The following TBC1D5 variants were observed in gnomAD, a reference collection of about 807,000 sequenced individuals.
TBC1D5 encodes the protein TBC1 domain family member 5, also known as TBC1 domain family, member 5.
TBC1D5 carries 75 observed loss-of-function variants against 100.3 expected under a neutral mutation model. That is an observed-to-expected ratio of 0.75 (90% CI 0.62 to 0.91). The LOEUF is 0.91. TBC1D5 is among the 40% of genes least tolerant of loss of function. The probability of loss-of-function intolerance (pLI) is 0.00; values close to 1 mark genes in which losing one functional copy is unlikely to be tolerated. For synonymous variants in TBC1D5, 323 were observed against 325.6 expected, an observed-to-expected ratio of 0.99 and a Z score of 0.09; for missense variants, 910 against 942.4, an observed-to-expected ratio of 0.97 and a Z score of 0.45.
intron 13 of TBC1D5, among the ~76,000 whole-genome samples, chr3:17,360,781 T>G (rs953333054): frequency 3.9e-5 from 6 of 152,132 alleles, no homozygotes; most frequent in Non-Finnish European, 8.8e-5. Flanking sequence ...TGGAAGTATT[T>G]AAAAACTCAT....
At chr3:17,669,728 T>C (rs2153778515) in intron 1 of TBC1D5, among the ~76,000 whole-genome samples, 1 of 152,290 alleles carries the variant, frequency 6.6e-6, no homozygotes, top group East Asian at 1.9e-4. Flanking sequence ...CAGTAGTAAT[T>C]GTTGTTTCAG....
intron 17 of TBC1D5, among the ~76,000 whole-genome samples, chr3:17,230,766 T>C (rs1176192120): frequency 1.3e-5 from 2 of 152,170 alleles, no homozygotes; most frequent in South Asian, 2.1e-4. Flanking sequence ...TTTATGTTAA[T>C]ACCTAAATCT....
At chr3:17,330,633 C>T (rs977680678) in intron 13 of TBC1D5, among the ~76,000 whole-genome samples, 1 of 152,126 alleles carries the variant, frequency 6.6e-6, no homozygotes, top group Non-Finnish European at 1.5e-5. Flanking sequence ...TCTTTTCCAC[C>T]TTCTGTCTTG....
intron 1 of TBC1D5, among the ~76,000 whole-genome samples, chr3:17,729,908 A>G (rs2076418377): frequency 6.6e-6 from 1 of 152,172 alleles, no homozygotes; most frequent in Non-Finnish European, 1.5e-5. Flanking sequence ...CAGGAGTTCA[A>G]GACCAGCCTG....
intron 2 of TBC1D5, among the ~76,000 whole-genome samples, chr3:17,529,034 C>T (rs2096179957): frequency 6.6e-6 from 1 of 152,196 alleles, no homozygotes; most frequent in Non-Finnish European, 1.5e-5. Flanking sequence ...CAGAATCCCT[C>T]TCTTGCTCCC....
In TBC1D5 at chr3:17,545,319, A is replaced by AATTT. The variant is rs1480325861; in HGVS notation, c.-35-36715_-35-36714insAAAT. 6.6e-5 allele frequency among the ~76,000 whole-genome samples: 10 copies of AATTT among 152,322 alleles called. No individual in the cohort carries two copies. In the East Asian group the frequency reaches 1.7e-3, roughly 26 times the overall value. ...GGGATGACCATGTGAAGACACAGGG[A>AATTT]GAAGACTGCCACTTACAAGCCAAAC... On this transcript the variant is annotated intron_variant, in intron 2 of 21. Coordinates refer to ENST00000253692, the Ensembl canonical transcript of TBC1D5.
At chr3:17,531,978 G>A (rs1484381198) in intron 2 of TBC1D5, among the ~76,000 whole-genome samples, 1 of 152,116 alleles carries the variant, frequency 6.6e-6, no homozygotes, top group Non-Finnish European at 1.5e-5. Flanking sequence ...AGCCAAAATT[G>A]ACAAATGGGA....
chr3:17,247,577 G>A (rs187184035), intron 16 of TBC1D5, among the ~76,000 whole-genome samples: 27 of 152,294 alleles, frequency 1.8e-4, no homozygotes, highest in Admixed American at 3.9e-4. Context: ...GTTCCTGAAT[G>A]TTGGGGTGGT....
chr3:17,470,108 C>A (rs2095355687), intron 3 of TBC1D5, among the ~76,000 whole-genome samples: 1 of 152,180 alleles, frequency 6.6e-6, no homozygotes, highest in Admixed American at 6.5e-5. Context: ...GACCTGCTTC[C>A]AAGTTCAAGA....
chr3:17,497,087 GACACACACACACACACACACAC>G (rs71049202), intron 3 of TBC1D5, among the ~76,000 whole-genome samples: 21 of 129,084 alleles, frequency 1.6e-4, no homozygotes, highest in South Asian at 8.7e-4. Flanking sequence ...CTCTCTCTCT[GACACACACACACACACACACAC>G]ACACACACAC....
chr3:17,688,124 T>C (rs2070580793), intron 1 of TBC1D5, among the ~76,000 whole-genome samples: 4 of 152,148 alleles, frequency 2.6e-5, no homozygotes, highest in Admixed American at 2.0e-4. Context: ...TTGAAGAATT[T>C]TACTGATATG....
intron 16 of TBC1D5, among the ~76,000 whole-genome samples, chr3:17,253,719 T>A (rs2077371348): frequency 6.6e-6 from 1 of 152,234 alleles, no homozygotes; most frequent in Non-Finnish European, 1.5e-5. Flanking sequence ...GAGCTTCATA[T>A]ACATGGAACA....
intron 2 of TBC1D5, among the ~76,000 whole-genome samples, chr3:17,591,263 A>AAAAAC: frequency 9.0e-6 from 1 of 111,368 alleles, no homozygotes; most frequent in Non-Finnish European, 1.8e-5. Flanking sequence ...AAAAAAAAAA[A>AAAAAC]AAACAAAAAC....
At chr3:17,594,573 A>G (rs1208363233) in intron 2 of TBC1D5, among the ~76,000 whole-genome samples, 2 of 152,264 alleles carry the variant, frequency 1.3e-5, no homozygotes, top group East Asian at 3.8e-4. Context: ...CTTCTGTTAG[A>G]AACATGTTTG....
chr3:17,512,342 A>G (rs1462650804), intron 2 of TBC1D5, among the ~76,000 whole-genome samples: 1 of 152,102 alleles, frequency 6.6e-6, no homozygotes, highest in African/African-American at 2.4e-5. Flanking sequence ...CAATCACTGT[A>G]AAAGTCCAGC....
chr3:17,243,799 A>G (rs1483438935), intron 16 of TBC1D5, among the ~76,000 whole-genome samples: 1 of 152,214 alleles, frequency 6.6e-6, no homozygotes, highest in Non-Finnish European at 1.5e-5. Context: ...ATGACACTGA[A>G]GAAAATTATG....
intron 4 of TBC1D5, among the ~76,000 whole-genome samples, chr3:17,410,516 A>G (rs1401047964): frequency 6.6e-6 from 1 of 152,154 alleles, no homozygotes. Flanking sequence ...GATTTCTCTG[A>G]CAGATCTGGG....
At chr3:17,236,893 A>C (rs930474933) in intron 17 of TBC1D5, among the ~76,000 whole-genome samples, 2 of 152,192 alleles carry the variant, frequency 1.3e-5, no homozygotes, top group Non-Finnish European at 2.9e-5. Context: ...ACATGATGTA[A>C]CCAATAGAGG....
chr3:17,729,016 T>TA (rs34461809), intron 1 of TBC1D5, among the ~76,000 whole-genome samples: 6,926 of 29,574 alleles, frequency 0.23, 887 homozygotes, highest in East Asian at 0.61. Context: ...TGAAAATCAG[T>TA]AAAAAAAAAA....
Sources: allele counts gnomAD v4.1 joint callset (sites outside exome capture counted in the v4.1 genomes callset), GRCh38; gene constraint gnomAD v4.1.1; transcripts MANE v1.5; gene names NCBI Gene and HGNC (gene_info 2026-07-23, HGNC 2026-07-21).